PCDHGB5: variants seen among roughly 807,000 people sequenced by gnomAD.
The protein encoded by PCDHGB5 is protocadherin gamma-B5.
A neutral mutation model predicts 62.9 loss-of-function variants in PCDHGB5; 48 were observed. The ratio of observed to expected loss-of-function variants is 0.76; its 90% CI spans 0.61 to 0.97. The LOEUF (loss-of-function observed/expected upper bound fraction) is 0.97. Among genes scored for constraint, PCDHGB5 ranks in the 50% least tolerant of loss-of-function variants. The pLI is 0.00. For synonymous variants in PCDHGB5, 474 were observed against 511.2 expected (o/e 0.93, Z 0.98); for missense variants, 1,118 against 1,198.6 (o/e 0.93, Z 0.99).
intron 1 of PCDHGB5, among the ~76,000 whole-genome samples, chr5:141,401,860 A>G (rs2094201565): frequency 6.6e-6 from 1 of 152,182 alleles, no homozygotes. Flanking sequence ...TTAACCTTTC[A>G]GTAGTTTTCT....
In PCDHGB5 at chr5:141,399,630, G is replaced by A; in HGVS notation, c.1503G>A (p.Val501=). 3 of 1,613,874 alleles carry A rather than the reference G, an allele frequency of 1.9e-6. No individual in the cohort carries two copies. Among genetic ancestry groups the A allele is most frequent in the Non-Finnish European group, 1.7e-6 (2 of 1,179,890 alleles). Residue 501 remains valine (V), a synonymous_variant, in exon 1 of 4, where the codon GTG becomes GTA. Coordinates refer to ENST00000617380, the MANE Select transcript of PCDHGB5 (RefSeq NM_018925.3). The part of the protein sequence containing the change: ...DLEPLALASY[V]SMSAQSGVVF... ...AGCCTCTGGCACTGGCCTCTTACGT[G>A]TCCATGAGCGCGCAAAGTGGGGTGG...
chr5:141,408,752 G>A (rs780102602), intron 1 of PCDHGB5: 8 of 1,610,388 alleles, frequency 5.0e-6, no homozygotes, highest in Non-Finnish European at 5.9e-6. Flanking sequence ...AATGGTTAGA[G>A]TTAATTCCGA....
chr5:141,421,291 G>C, intron 1 of PCDHGB5: 1 of 1,613,364 alleles, frequency 6.2e-7, no homozygotes, highest in Middle Eastern at 1.6e-4. Context: ...CATTTTCCTG[G>C]GGACGCTGCG....
Position 141,489,160 on chromosome 5 carries a change from C to A in PCDHGB5, c.2398-5647C>A. 1 of 1,029,962 alleles carries A rather than the reference C, an allele frequency of 9.7e-7. No individual in the cohort carries two copies. The highest frequency in any genetic ancestry group is 1.4e-6 in the Non-Finnish European group (1 of 701,366). 63.8% of individuals were successfully genotyped at this position (1,029,962 alleles called of 1,614,324 possible). ...GGCTGGAAGGAGACATAAGAGACTT[C>A]AGCTGCTGCATTCCAAGCCCTGGGT... On this transcript the variant is annotated intron_variant, in intron 1 of 3. Coordinates refer to ENST00000617380, the MANE Select transcript of PCDHGB5 (RefSeq NM_018925.3). The surrounding 1 kb of genome is among the most constrained non-coding windows in gnomAD (Gnocchi z 4.5).
chr5:141,507,504 C>T (rs1443873775), intron 3 of PCDHGB5, among the ~76,000 whole-genome samples: 1 of 152,138 alleles, frequency 6.6e-6, no homozygotes, highest in Admixed American at 6.5e-5. Flanking sequence ...TGTCCCAGGT[C>T]TGGTGGGGCT....
chr5:141,503,260 C>A (rs2154593294), intron 2 of PCDHGB5, among the ~76,000 whole-genome samples: 1 of 152,178 alleles, frequency 6.6e-6, no homozygotes, highest in African/African-American at 2.4e-5. Flanking sequence ...ACAGCCACAA[C>A]CCCAGCACCT....
rs2099687715 is a variant in PCDHGB5, at chr5:141,489,479, T to G, written c.2398-5328T>G. 1.2e-6 allele frequency: 2 copies of G among 1,614,090 alleles called. No individual in the cohort carries two copies. The highest frequency in any genetic ancestry group is 1.7e-6 in the Non-Finnish European group (2 of 1,180,010). ...GGGCGCTATTTTTCCCTGAGCTTGATGAGTGGTGCCCTGGCAGTGAATCAA... is the reference window on the plus strand; with the variant it reads ...GGGCGCTATTTTTCCCTGAGCTTGAGGAGTGGTGCCCTGGCAGTGAATCAA... On this transcript the variant is annotated intron_variant, in intron 1 of 3. Transcript: ENST00000617380. This position sits in a 1 kb window ranked among gnomAD's most constrained non-coding sequence, Gnocchi z 4.5.
intron 1 of PCDHGB5, chr5:141,402,985 A>G: frequency 6.2e-7 from 1 of 1,609,390 alleles, no homozygotes; most frequent in Non-Finnish European, 8.5e-7. Context: ...AGCTCCGCGG[A>G]AGATTAGTCC....
chr5:141,428,233 C>A, intron 1 of PCDHGB5: 1 of 1,049,106 alleles, frequency 9.5e-7, no homozygotes, highest in Non-Finnish European at 1.4e-6. Context: ...AGACAGCCTG[C>A]AGGAGGCACT....
intron 1 of PCDHGB5, chr5:141,415,740 G>GTGT: frequency 1.6e-6 from 1 of 617,992 alleles, no homozygotes; most frequent in Non-Finnish European, 2.1e-6. Context: ...GTTTATTAAG[G>GTGT]TTTTTTTTTT....
intron 1 of PCDHGB5, chr5:141,427,043 G>A: frequency 2.2e-6 from 1 of 457,348 alleles, no homozygotes; most frequent in Non-Finnish European, 4.4e-6. Context: ...GAGAGAATGT[G>A]CCCCCAGGCA....
Position 141,476,104 on chromosome 5 carries a change from G to A in PCDHGB5, c.2398-18703G>A. 6.3e-7 allele frequency: 1 copy of A among 1,584,700 alleles called. No homozygotes were observed. Among genetic ancestry groups the A allele is most frequent in the Non-Finnish European group, 8.6e-7 (1 of 1,168,500 alleles). On this transcript the variant is annotated intron_variant, in intron 1 of 3. Coordinates refer to ENST00000617380, the MANE Select transcript of PCDHGB5 (RefSeq NM_018925.3). The surrounding 1 kb of genome is among the most constrained non-coding windows in gnomAD (Gnocchi z 7.6). ...GATCTGGACCCCGCTGAGAGGAACTGCTTTTGAGTGAGATGGTCCCAGAGG... is the reference window on the plus strand; with the variant it reads ...GATCTGGACCCCGCTGAGAGGAACTACTTTTGAGTGAGATGGTCCCAGAGG...
chr5:141,434,667 G>T (rs1464226862), intron 1 of PCDHGB5, among the ~76,000 whole-genome samples: 3 of 152,074 alleles, frequency 2.0e-5, no homozygotes, highest in East Asian at 3.9e-4. Context: ...CTATAGAAAT[G>T]ATGCTAATGA....
chr5:141,468,983 AATT>A (rs958294955), intron 1 of PCDHGB5, among the ~76,000 whole-genome samples: 5 of 148,376 alleles, frequency 3.4e-5, no homozygotes, highest in Admixed American at 6.8e-5. Context: ...TGACTTCCAA[AATT>A]ATTGTTTTTG....
chr5:141,430,477 A>G (rs1329218924), intron 1 of PCDHGB5: 1 of 244,524 alleles, frequency 4.1e-6, no homozygotes, highest in Non-Finnish European at 7.7e-6. Context: ...TATTTAAGAT[A>G]TAAAAACGAA....
intron 1 of PCDHGB5, among the ~76,000 whole-genome samples, chr5:141,450,315 G>A (rs1319432573): frequency 1.3e-5 from 2 of 151,918 alleles, no homozygotes; most frequent in African/African-American, 4.8e-5. Context: ...GTGTGGCCTA[G>A]TTGCCATGTC....
chr5:141,431,673 G>A lies in PCDHGB5; in HGVS notation c.2397+31149G>A. On this transcript the variant is annotated intron_variant, in intron 1 of 3. Coordinates refer to ENST00000617380, the MANE Select transcript of PCDHGB5 (RefSeq NM_018925.3). The surrounding 1 kb of genome is among the most constrained non-coding windows in gnomAD (Gnocchi z 4.8). ...AATTCAGGGACAATATCAACAATAG[G>A]GGAGTTGGACCACGAGGAGTCAGGA... 1 of 1,614,214 alleles carries A rather than the reference G, an allele frequency of 6.2e-7. No homozygotes were observed. The highest frequency in any genetic ancestry group is 8.5e-7 in the Non-Finnish European group (1 of 1,180,044).
rs186638311 is a variant in PCDHGB5, at chr5:141,492,901, T to C, written c.2398-1906T>C. 3.7e-3 allele frequency among the ~76,000 whole-genome samples: 568 copies of C among 152,326 alleles called. 5 individuals carry two copies. The highest frequency in any genetic ancestry group is 0.011 in the Admixed American group (163 of 15,308). On this transcript the variant is annotated intron_variant, in intron 1 of 3. Coordinates refer to ENST00000617380, the MANE Select transcript of PCDHGB5 (RefSeq NM_018925.3). ...GAGATACAGGCTTTTGGCGCCGTCG[T>C]GATCACAATGTGCCCAGCGATCTAG...
At chr5:141,492,553 G>A (rs1184580300) in intron 1 of PCDHGB5, among the ~76,000 whole-genome samples, 1 of 152,148 alleles carries the variant, frequency 6.6e-6, no homozygotes, top group Non-Finnish European at 1.5e-5. Flanking sequence ...CGGGTCGCCT[G>A]GGGGGCGGCC....
Sources: allele counts gnomAD v4.1 joint callset (sites outside exome capture counted in the v4.1 genomes callset), GRCh38; gene constraint gnomAD v4.1.1; non-coding constraint Gnocchi (gnomAD v3.1); transcripts MANE v1.5; gene names NCBI Gene and HGNC (gene_info 2026-07-23, HGNC 2026-07-21).